Variants in RBM18 observed in about 807,000 individuals in gnomAD.
RBM18 encodes the protein RNA binding motif protein 18.
A neutral mutation model predicts 26.4 loss-of-function variants in RBM18; 18 were observed. The observed-to-expected ratio is 0.68, with a 90% CI of 0.47 to 1.01. The LOEUF is 1.01. Among genes scored for constraint, RBM18 ranks in the 50% least tolerant of loss-of-function variants. The pLI is 0.00. For synonymous variants in RBM18, 74 were observed against 81.1 expected, an observed-to-expected ratio of 0.91 and a Z score of 0.47; for missense variants, 180 against 219.2, an observed-to-expected ratio of 0.82 and a Z score of 1.13.
chr9:122,261,188 T>C (rs994543150), intron 2 of RBM18, among the ~76,000 whole-genome samples, 192 bp downstream of exon 2: 2 of 152,150 alleles, frequency 1.3e-5, no homozygotes. Context: ...CAAGTCTGTG[T>C]CCTTGCAGTA....
intron 3 of RBM18, among the ~76,000 whole-genome samples, chr9:122,248,857 T>C (rs1831550677): frequency 6.6e-6 from 1 of 152,224 alleles, no homozygotes; most frequent in South Asian, 2.1e-4. Context: ...TCCAGTCTGG[T>C]TTTACTGGTG....
intron 2 of RBM18, among the ~76,000 whole-genome samples, chr9:122,253,385 G>A (rs776644147): frequency 1.3e-5 from 2 of 152,124 alleles, no homozygotes; most frequent in Non-Finnish European, 2.9e-5. Flanking sequence ...AGGATCCCAA[G>A]GCATATTGTG....
chr9:122,258,409 C>T (rs2118973189), intron 2 of RBM18, among the ~76,000 whole-genome samples: 1 of 152,192 alleles, frequency 6.6e-6, no homozygotes, highest in African/African-American at 2.4e-5. Context: ...GTTAGGACTA[C>T]AGGCAACCGC....
At chr9:122,255,587 C>G (rs10122904) in intron 2 of RBM18, among the ~76,000 whole-genome samples, 1 of 152,142 alleles carries the variant, frequency 6.6e-6, no homozygotes, top group South Asian at 2.1e-4. Context: ...TTATATTCCT[C>G]AGGCAAGAAA....
chr9:122,247,595 G>C lies in RBM18; in HGVS notation c.250C>G (p.Gln84Glu). 5 of 1,613,692 alleles carry C rather than the reference G, an allele frequency of 3.1e-6. No individual in the cohort carries two copies. The highest frequency in any genetic ancestry group is 4.2e-6 in the Non-Finnish European group (5 of 1,179,852). ...TTGCCATTGAGACACTGGATGGCTT[G>C]CTCTGCTTCCTGTCCAGGAAAGGGA... The part of the protein sequence containing the change: ...VNFETKQEAE[Q>E]AIQCLNGKLA... Residue 84 changes from glutamine (Q) to glutamate (E), a missense_variant, in exon 4 of 6, where the codon CAA becomes GAA. By Grantham distance (29) the Gln-to-Glu change is conservative (BLOSUM62 2). Coordinates refer to ENST00000417201, the MANE Select transcript of RBM18 (RefSeq NM_033117.4).
Position 122,258,924 on chromosome 9 carries a change from A to AAAG in RBM18, c.113+2453_113+2455dup, listed in dbSNP as rs1554814884. Among the ~76,000 whole-genome samples, 18 of 151,230 alleles carry AAAG rather than the reference A, an allele frequency of 1.2e-4. No homozygotes were observed. The East Asian group carries it at 1.6e-3, about 13-fold the overall frequency. On this transcript the variant is annotated intron_variant, in intron 2 of 5. Transcript: ENST00000417201. ...CAGAGCTGTCAAAAAAAAAAAAAAA[A>AAAG]AAGAAGAAGAAGAAAAAAGAATCTA...
chr9:122,248,532 G>C (rs528554570), intron 3 of RBM18, among the ~76,000 whole-genome samples: 1 of 152,190 alleles, frequency 6.6e-6, no homozygotes, highest in Admixed American at 6.5e-5. Context: ...CAAAGAGACC[G>C]TTAGCAAGGT....
At chr9:122,247,919 G>C (rs1831531835) in intron 3 of RBM18, among the ~76,000 whole-genome samples, 1 of 151,794 alleles carries the variant, frequency 6.6e-6, no homozygotes, top group Admixed American at 6.6e-5. Flanking sequence ...CGAATAGCTG[G>C]GACTACAGGC....
intron 5 of RBM18, chr9:122,243,611 G>T: frequency 3.9e-6 from 2 of 515,156 alleles, no homozygotes; most frequent in Non-Finnish European, 5.0e-6. Flanking sequence ...CATTCTTGAT[G>T]CGTTAATGGT....
At chr9:122,242,151 A>G in intron 5 of RBM18, 108 bp from the exon 6 acceptor site, 1 of 1,021,104 alleles carries the variant, frequency 9.8e-7, no homozygotes, top group East Asian at 2.6e-5. Context: ...GCAACAAGAT[A>G]CTAAATTACA....
chr9:122,242,905 CA>C (rs1219393452), intron 5 of RBM18, among the ~76,000 whole-genome samples: 1 of 152,090 alleles, frequency 6.6e-6, no homozygotes, highest in Non-Finnish European at 1.5e-5. Flanking sequence ...CGGCTCACTG[CA>C]ACCTCCGCCT....
intron 2 of RBM18, among the ~76,000 whole-genome samples, chr9:122,260,598 C>T (rs1039667430): frequency 2.0e-5 from 3 of 152,100 alleles, no homozygotes; most frequent in Admixed American, 1.3e-4. Flanking sequence ...TTCTGTCTTT[C>T]GGGACTTGGT....
At chr9:122,256,448 AAAAG>A (rs1831699295) in intron 2 of RBM18, among the ~76,000 whole-genome samples, 1 of 152,228 alleles carries the variant, frequency 6.6e-6, no homozygotes, top group South Asian at 2.1e-4. Context: ...TAATACTTGT[AAAAG>A]AAAGTCGGTA....
intron 4 of RBM18, among the ~76,000 whole-genome samples, chr9:122,247,309 G>A (rs889950032): frequency 4.6e-5 from 7 of 152,174 alleles, no homozygotes; most frequent in African/African-American, 1.4e-4. Flanking sequence ...CAGTGGGCAT[G>A]TGGAGAGAAA....
At chr9:122,250,897 ATAC>A (rs562984221) in intron 3 of RBM18, among the ~76,000 whole-genome samples, 385 of 141,652 alleles carry the variant, frequency 2.7e-3, no homozygotes, top group African/African-American at 9.2e-3. Context: ...AAAAACACTC[ATAC>A]AAATTATTAT....
intron 2 of RBM18, among the ~76,000 whole-genome samples, chr9:122,259,963 G>A (rs912917491): frequency 2.0e-5 from 3 of 152,082 alleles, no homozygotes; most frequent in Admixed American, 1.3e-4. Flanking sequence ...CAAAGTGCTG[G>A]GATTATAGGC....
chr9:122,247,782 G>GTTT (rs1447979871), intron 3 of RBM18, among the ~76,000 whole-genome samples, 178 bp from the exon 4 acceptor site: 3 of 76,838 alleles, frequency 3.9e-5, no homozygotes, highest in African/African-American at 6.2e-5. Flanking sequence ...TGGTTTTTTT[G>GTTT]TTGTTTTTTT....
At position 122,241,553 on chromosome 9, in the gene RBM18, A is replaced by C. The variant is rs1051739440; in HGVS notation, c.*331T>G. On this transcript the variant is annotated 3_prime_UTR_variant, in exon 6 of 6. Transcript: ENST00000417201. ...AGATGTTAATATTTTTAGTTTCCTG[A>C]TTTAAATAATATTTTGTGTATTTGC... 1 of 188,256 alleles carries C rather than the reference A, an allele frequency of 5.3e-6. No individual in the cohort carries two copies. Among genetic ancestry groups the C allele is most frequent in the African/African-American group, 2.3e-5 (1 of 42,946 alleles). 11.7% of individuals were successfully genotyped at this position (188,256 alleles called of 1,614,324 possible).
chr9:122,260,916 A>C (rs1397285283), intron 2 of RBM18, among the ~76,000 whole-genome samples: 4 of 152,170 alleles, frequency 2.6e-5, no homozygotes, highest in Non-Finnish European at 4.4e-5. Flanking sequence ...AAGGGACATG[A>C]TTTCTAAGGT....
Sources: allele counts gnomAD v4.1 joint callset (sites outside exome capture counted in the v4.1 genomes callset), GRCh38; gene constraint gnomAD v4.1.1; transcripts MANE v1.5; gene names NCBI Gene and HGNC (gene_info 2026-07-23, HGNC 2026-07-21).